DTNB: variants seen among roughly 807,000 people sequenced by gnomAD.
DTNB encodes the protein dystrobrevin beta.
DTNB carries 63 observed loss-of-function variants against 90.7 expected under a neutral mutation model. The ratio of observed to expected loss-of-function variants is 0.69; its 90% CI spans 0.57 to 0.86. The LOEUF (loss-of-function observed/expected upper bound fraction) is 0.86. Ranked by LOEUF, DTNB falls within the 40% of genes least tolerant of loss-of-function variation. DTNB has a pLI of 0.00. For missense variants in DTNB, 744 were observed against 807.1 expected, an observed-to-expected ratio of 0.92 and a Z score of 0.95; for synonymous variants, 277 against 286.7, an observed-to-expected ratio of 0.97 and a Z score of 0.34.
intron 16 of DTNB, among the ~76,000 whole-genome samples, chr2:25,390,158 A>C (rs1377330248): frequency 4.6e-5 from 7 of 152,124 alleles, no homozygotes; most frequent in Non-Finnish European, 8.8e-5. Flanking sequence ...ACGCTTTTAA[A>C]TTTTGCATGA....
chr2:25,395,629 T>C (rs1302015639), intron 16 of DTNB, among the ~76,000 whole-genome samples: 2 of 151,576 alleles, frequency 1.3e-5, no homozygotes, highest in South Asian at 2.1e-4. Context: ...TTTCTAGCAA[T>C]AGCAAATATT....
intron 16 of DTNB, among the ~76,000 whole-genome samples, chr2:25,412,592 TAA>T (rs1339605109): frequency 3.3e-5 from 5 of 152,240 alleles, no homozygotes; most frequent in Admixed American, 6.5e-5. Flanking sequence ...TAAACATATA[TAA>T]AGTCTTTTTA....
chr2:25,622,992 G>A (rs2073146135), intron 4 of DTNB, among the ~76,000 whole-genome samples: 1 of 152,118 alleles, frequency 6.6e-6, no homozygotes, highest in Non-Finnish European at 1.5e-5. Flanking sequence ...CAGAAAGGCA[G>A]ATCAATAAAC....
At chr2:25,427,979 T>C in intron 14 of DTNB, 1 of 175,432 alleles carries the variant, frequency 5.7e-6, no homozygotes, top group South Asian at 1.3e-4. Flanking sequence ...AGAAACCATA[T>C]TAAACTGCTC....
intron 12 of DTNB, among the ~76,000 whole-genome samples, chr2:25,442,574 T>C (rs1036383469): frequency 8.5e-5 from 13 of 152,244 alleles, no homozygotes; most frequent in African/African-American, 3.1e-4. Context: ...TGGGTCATTG[T>C]AGAACAACTC....
rs776578114 is a variant in DTNB at position 25,588,560 on chromosome 2, T to TC, written c.603+7525dup. 1.4e-4 allele frequency among the ~76,000 whole-genome samples: 22 copies of TC among 152,308 alleles called. No homozygotes were observed. The East Asian group carries it at 3.7e-3, about 25-fold the overall frequency. ...TTGTATTTTTAGTAGTGACGGGGTT[T>TC]CACCATGTTGGCCAGGATAGTCTCG... On this transcript the variant is annotated intron_variant, in intron 6 of 20. Coordinates refer to ENST00000406818, the MANE Select transcript of DTNB (RefSeq NM_021907.5).
At chr2:25,476,914 C>T (rs535654876) in intron 10 of DTNB, among the ~76,000 whole-genome samples, 1 of 152,276 alleles carries the variant, frequency 6.6e-6, no homozygotes, top group East Asian at 1.9e-4. Context: ...GGGTAAAATG[C>T]TATCAAACAG....
chr2:25,637,972 A>G (rs1271918851), intron 3 of DTNB, among the ~76,000 whole-genome samples: 1 of 152,266 alleles, frequency 6.6e-6, no homozygotes, highest in African/African-American at 2.4e-5. Flanking sequence ...ATGCCCATCA[A>G]TGATAGACTG....
chr2:25,583,647 G>A (rs1295489309), intron 6 of DTNB, among the ~76,000 whole-genome samples: 10 of 151,618 alleles, frequency 6.6e-5, no homozygotes, highest in Admixed American at 3.9e-4. Flanking sequence ...TCAGCCTCCC[G>A]AGTAGCTGGG....
intron 6 of DTNB, among the ~76,000 whole-genome samples, chr2:25,592,708 A>C (rs1360448248): frequency 6.6e-6 from 1 of 152,254 alleles, no homozygotes; most frequent in Non-Finnish European, 1.5e-5. Flanking sequence ...AAATTTCTTT[A>C]CATCAAAATG....
chr2:25,550,806 C>A (rs2083483490), intron 8 of DTNB, among the ~76,000 whole-genome samples: 1 of 152,194 alleles, frequency 6.6e-6, no homozygotes, highest in African/African-American at 2.4e-5. Flanking sequence ...CGTGCCACCA[C>A]ACCCGGCTAA....
intron 8 of DTNB, among the ~76,000 whole-genome samples, chr2:25,553,124 G>GAT (rs1271256047): frequency 4.6e-5 from 7 of 151,728 alleles, no homozygotes; most frequent in Non-Finnish European, 1.0e-4. Context: ...CCTCCCAGTT[G>GAT]ATATTTTTTT....
At chr2:25,508,447 A>G (rs2073032873) in intron 9 of DTNB, among the ~76,000 whole-genome samples, 2 of 151,814 alleles carry the variant, frequency 1.3e-5, no homozygotes, top group African/African-American at 4.8e-5. Context: ...CTTCCAATTT[A>G]TAAATATGGT....
Position 25,424,842 on chromosome 2 carries a change from GTTT to G in DTNB, c.1554+2690_1554+2692del, listed in dbSNP as rs1400884440. ...GCCACCGTGCCCGGCTAATTTTTGT[GTTT>G]TTAGTAGAGATGGGGTTTTGCCATG... is the stretch of plus-strand genomic sequence containing the variant. On this transcript the variant is annotated intron_variant, in intron 15 of 20. Transcript: ENST00000406818. This position sits in a 1 kb window ranked among gnomAD's most constrained non-coding sequence, Gnocchi z 4.1. Among the ~76,000 whole-genome samples, 3 of 151,950 alleles carry G rather than the reference GTTT, an allele frequency of 2.0e-5. No homozygotes were observed. The East Asian group carries it at 5.8e-4, about 29-fold the overall frequency.
chr2:25,639,665 G>A (rs1348705427), intron 2 of DTNB, among the ~76,000 whole-genome samples: 1 of 151,540 alleles, frequency 6.6e-6, no homozygotes, highest in Non-Finnish European at 1.5e-5. Flanking sequence ...CTAGTATGTT[G>A]TCCCTCTCCA....
chr2:25,566,887 G>A (rs1448101791), intron 8 of DTNB, among the ~76,000 whole-genome samples: 5 of 152,192 alleles, frequency 3.3e-5, no homozygotes, highest in Non-Finnish European at 7.3e-5. Context: ...AGCTGTGGAG[G>A]ACTGACTTAT....
chr2:25,565,783 T>C (rs1559051207), intron 8 of DTNB, among the ~76,000 whole-genome samples: 3 of 152,214 alleles, frequency 2.0e-5, no homozygotes, highest in African/African-American at 7.2e-5. Context: ...TCATGTTGTA[T>C]AGTCCTTTGT....
intron 9 of DTNB, among the ~76,000 whole-genome samples, chr2:25,492,171 T>C (rs1043291425): frequency 2.0e-5 from 3 of 152,202 alleles, no homozygotes; most frequent in Admixed American, 6.6e-5. Flanking sequence ...TTACAAAGTA[T>C]AGTTTTGGAG....
intron 16 of DTNB, among the ~76,000 whole-genome samples, chr2:25,411,135 G>A (rs1312761502): frequency 6.6e-6 from 1 of 151,966 alleles, no homozygotes; most frequent in Non-Finnish European, 1.5e-5. Flanking sequence ...GAGGCAGGCA[G>A]ATCACCTGAG....
Sources: gnomAD v4.1 joint callset for allele counts (sites outside exome capture counted in the v4.1 genomes callset) on GRCh38, gnomAD v4.1.1 for gene constraint, Gnocchi (gnomAD v3.1) non-coding constraint, MANE v1.5 for transcripts, NCBI Gene and HGNC (gene_info 2026-07-23, HGNC 2026-07-21) for gene names.